Variants in SULT2A1 observed in about 807,000 individuals in gnomAD.
SULT2A1 encodes the protein sulfotransferase family 2A member 1.
SULT2A1 carries 43 observed loss-of-function variants against 33.9 expected under a neutral mutation model. That is an observed-to-expected ratio of 1.27 (90% CI 1.00 to 1.64). The LOEUF (loss-of-function observed/expected upper bound fraction) is 1.64. Ranked by LOEUF, SULT2A1 falls within the 40% of genes most tolerant of loss-of-function variation. The pLI is 0.00. For synonymous variants in SULT2A1, 125 were observed against 113.6 expected (o/e 1.10, Z -0.64); for missense variants, 300 against 335.1 (o/e 0.90, Z 0.82).
At chr19:47,886,049 G>T (rs1968652626) in intron 1 of SULT2A1, 73 bp downstream of exon 1, 1 of 1,547,832 alleles carries the variant, frequency 6.5e-7, no homozygotes, top group Admixed American at 1.8e-5. Context: ...CATAAAGGAA[G>T]AACTCCAATC....
chr19:47,881,605 T>C (rs539748281), intron 3 of SULT2A1, among the ~76,000 whole-genome samples: 20 of 152,074 alleles, frequency 1.3e-4, no homozygotes, highest in East Asian at 9.7e-4. Flanking sequence ...TTGAGATCAA[T>C]TGCAAAATGG....
At chr19:47,879,613 G>A (rs1270164218) in intron 3 of SULT2A1, among the ~76,000 whole-genome samples, 2 of 152,090 alleles carry the variant, frequency 1.3e-5, no homozygotes, top group Non-Finnish European at 2.9e-5. Context: ...AAAAGGATGA[G>A]TTCATATCCT....
chr19:47,881,363 G>A (rs1001178769), intron 3 of SULT2A1, among the ~76,000 whole-genome samples: 1 of 151,396 alleles, frequency 6.6e-6, no homozygotes. Flanking sequence ...GTAGAGACGG[G>A]GTTTCGTTAT....
At chr19:47,879,577 C>T (rs1568639201) in intron 3 of SULT2A1, among the ~76,000 whole-genome samples, 1 of 152,052 alleles carries the variant, frequency 6.6e-6, no homozygotes, top group African/African-American at 2.4e-5. Context: ...GGCATGTATA[C>T]ACCATGGAAT....
chr19:47,877,371 TGGGACTACA>T (rs1968556830), intron 4 of SULT2A1, among the ~76,000 whole-genome samples: 1 of 150,308 alleles, frequency 6.7e-6, no homozygotes, highest in South Asian at 2.1e-4. Flanking sequence ...CCTGAGTAGC[TGGGACTACA>T]GGTGCACAAC....
At chr19:47,885,945 C>T (rs1968651868) in intron 1 of SULT2A1, among the ~76,000 whole-genome samples, 177 bp downstream of exon 1, 1 of 152,192 alleles carries the variant, frequency 6.6e-6, no homozygotes, top group Non-Finnish European at 1.5e-5. Context: ...GAACACTCAT[C>T]CTACTGTGTA....
At chr19:47,877,716 AT>A (rs1375417461) in intron 4 of SULT2A1, among the ~76,000 whole-genome samples, 1 of 151,552 alleles carries the variant, frequency 6.6e-6, no homozygotes, top group East Asian at 1.9e-4. Flanking sequence ...TGCCCGGCTA[AT>A]TTTTTGTATT....
At chr19:47,872,877 GC>G (rs1968506147) in intron 5 of SULT2A1, among the ~76,000 whole-genome samples, 1 of 150,850 alleles carries the variant, frequency 6.6e-6, no homozygotes, top group African/African-American at 2.4e-5. Flanking sequence ...TCATGTCTCA[GC>G]CCCACCCCAA....
chr19:47,885,609 C>A (rs552092840), intron 1 of SULT2A1, among the ~76,000 whole-genome samples: 2 of 152,286 alleles, frequency 1.3e-5, no homozygotes, highest in South Asian at 4.1e-4. Flanking sequence ...AGCCTCAATC[C>A]TCACCGCATC....
intron 4 of SULT2A1, 29 bp downstream of exon 4, chr19:47,879,007 T>C (rs200404155): frequency 7.4e-7 from 1 of 1,352,600 alleles, no homozygotes; most frequent in Non-Finnish European, 1.1e-6. Flanking sequence ...TGAGAGGGTG[T>C]GCACTGACTC....
Position 47,883,641 on chromosome 19 carries a change from C to G in SULT2A1, c.281G>C (p.Arg94Pro), listed in dbSNP as rs751662500. ...GATGGGGAGGTGGGAGGAGAATAAA[C>G]GTGGACTCTCCGTTTCACTGAGTGC... is the stretch of plus-strand genomic sequence containing the variant. Reference protein sequence around the residue: ...YTALSETESPRLFSSHLPIQL... With the variant: ...YTALSETESPPLFSSHLPIQL... Residue 94 changes from arginine (R) to proline (P), a missense_variant, in exon 2 of 6, where the codon CGT becomes CCT. Coordinates refer to ENST00000222002, the MANE Select transcript of SULT2A1 (RefSeq NM_003167.4). 1.9e-6 allele frequency: 3 copies of G among 1,613,978 alleles called. No homozygotes were observed. The highest frequency in any genetic ancestry group is 1.3e-5 in the African/African-American group (1 of 74,984).
chr19:47,879,011 C>G, intron 4 of SULT2A1, 25 bp downstream of exon 4: 2 of 1,458,654 alleles, frequency 1.4e-6, no homozygotes, highest in Non-Finnish European at 1.9e-6. Flanking sequence ...AGGGTGTGCA[C>G]TGACTCTAAA....
chr19:47,871,576 A>T lies in SULT2A1; in HGVS notation c.746-9T>A, dbSNP rs780449727. On this transcript the variant is annotated splice_polypyrimidine_tract_variant and intron_variant, in intron 5 of 5. Coordinates refer to ENST00000222002, the MANE Select transcript of SULT2A1 (RefSeq NM_003167.4). ...CCAGTCCCCAGATACACCTGGAAAC[A>T]AGAAGCAGAAACTCAGGTCAGACCA... 5 of 1,595,290 alleles carry T rather than the reference A, an allele frequency of 3.1e-6. No individual in the cohort carries two copies. Among genetic ancestry groups the T allele is most frequent in the Non-Finnish European group, 4.3e-6 (5 of 1,163,128 alleles).
intron 4 of SULT2A1, among the ~76,000 whole-genome samples, chr19:47,876,930 A>T (rs950792244): frequency 1.3e-5 from 2 of 151,412 alleles, no homozygotes; most frequent in African/African-American, 4.8e-5. Flanking sequence ...AAAAAAAATT[A>T]GCTGGGCATG....
chr19:47,874,315 C>T (rs62532361), intron 5 of SULT2A1, among the ~76,000 whole-genome samples: 307 of 151,862 alleles, frequency 2.0e-3, no homozygotes, highest in African/African-American at 5.4e-3. Flanking sequence ...CCGAGGTGGG[C>T]GGATCACAAG....
intron 4 of SULT2A1, among the ~76,000 whole-genome samples, chr19:47,878,285 C>T (rs999101969): frequency 7.2e-5 from 11 of 151,768 alleles, no homozygotes; most frequent in African/African-American, 2.4e-4. Flanking sequence ...CAAGTAATTC[C>T]CCTGGCCTCG....
chr19:47,882,522 A>G (rs1327597831), intron 2 of SULT2A1, among the ~76,000 whole-genome samples: 1 of 152,174 alleles, frequency 6.6e-6, no homozygotes, highest in Non-Finnish European at 1.5e-5. Context: ...TATGGTTTAA[A>G]GATCATTAAC....
intron 3 of SULT2A1, among the ~76,000 whole-genome samples, chr19:47,881,129 G>A (rs1035192295): frequency 5.3e-5 from 8 of 152,074 alleles, no homozygotes; most frequent in African/African-American, 1.4e-4. Flanking sequence ...TCTACCTCCT[G>A]GGTTCAAGCA....
At chr19:47,882,055 A>G (rs2122154354) in intron 3 of SULT2A1, 29 bp downstream of exon 3, 1 of 1,611,250 alleles carries the variant, frequency 6.2e-7, no homozygotes, top group South Asian at 1.1e-5. Context: ...GAAGACTCCA[A>G]GCACCCCCAT....
Sources: allele counts gnomAD v4.1 joint callset (sites outside exome capture counted in the v4.1 genomes callset), GRCh38; gene constraint gnomAD v4.1.1; transcripts MANE v1.5; gene names NCBI Gene and HGNC (gene_info 2026-07-23, HGNC 2026-07-21).